Variants in CLIP2 observed in about 807,000 individuals in gnomAD.
CLIP2 encodes CAP-Gly domain-containing linker protein 2.
CLIP2 carries 41 observed loss-of-function variants against 111.7 expected under a neutral mutation model. The ratio of observed to expected loss-of-function variants is 0.37; its 90% CI spans 0.29 to 0.48. CLIP2 has a LOEUF of 0.48. Among genes scored for constraint, CLIP2 ranks in the 20% least tolerant of loss-of-function variants. The probability of loss-of-function intolerance (pLI) is 0.99; values close to 1 mark genes in which losing one functional copy is unlikely to be tolerated. For missense variants in CLIP2, 1,160 were observed against 1,422.1 expected, an observed-to-expected ratio of 0.82 and a Z score of 2.96; for synonymous variants, 660 against 644.2, an observed-to-expected ratio of 1.02 and a Z score of -0.37.
intron 11 of CLIP2, among the ~76,000 whole-genome samples, chr7:74,386,044 T>C (rs1791085877): frequency 1.1e-5 from 1 of 89,178 alleles, no homozygotes. Flanking sequence ...GCCCAGCCTC[T>C]TTTTTTTTTT....
At chr7:74,337,895 C>T (rs1489491196) in intron 2 of CLIP2, among the ~76,000 whole-genome samples, 1 of 152,144 alleles carries the variant, frequency 6.6e-6, no homozygotes, top group African/African-American at 2.4e-5. Context: ...CGTGCCCGGC[C>T]TGGAAACATT....
chr7:74,341,068 T>A (rs485858), intron 3 of CLIP2, among the ~76,000 whole-genome samples: 93,102 of 151,872 alleles, frequency 0.61, 30,484 homozygotes, highest in Middle Eastern at 0.74. Context: ...GAGCGAGAGG[T>A]AATGTTTACA....
rs1334628725 is a variant in CLIP2 at position 74,376,441 on chromosome 7, G to T, written c.2040G>T (p.Lys680Asn). Residue 680 changes from lysine to asparagine, a missense_variant, in exon 10 of 17, where the codon AAG becomes AAT. Physicochemically the swap from Lys to Asn is moderately conservative, Grantham distance 94 (BLOSUM62 0). Coordinates refer to ENST00000223398, the MANE Select transcript of CLIP2 (RefSeq NM_003388.5). The surrounding 1 kb of genome is among the most constrained non-coding windows in gnomAD (Gnocchi z 7.1). ...KHDLETAMHV[K>N]EKEALREKLQ... ...ACCTGGAGACCGCCATGCACGTGAAGGAGAAGGAGGCCCTGCGAGAGAAGC... is the reference window on the plus strand; with the variant it reads ...ACCTGGAGACCGCCATGCACGTGAATGAGAAGGAGGCCCTGCGAGAGAAGC... 6.2e-7 allele frequency: 1 copy of T among 1,614,060 alleles called. No homozygotes were observed. The highest frequency in any genetic ancestry group is 8.5e-7 in the Non-Finnish European group (1 of 1,180,024).
chr7:74,400,830 G>A (rs567457787), intron 15 of CLIP2, among the ~76,000 whole-genome samples: 1 of 151,380 alleles, frequency 6.6e-6, no homozygotes, highest in East Asian at 2.0e-4. Flanking sequence ...CTCTGTCCCG[G>A]GAACCCCTGG....
intron 1 of CLIP2, among the ~76,000 whole-genome samples, chr7:74,298,912 C>G (rs935961056): frequency 1.3e-5 from 2 of 152,154 alleles, no homozygotes; most frequent in Non-Finnish European, 2.9e-5. Flanking sequence ...AGGAACCCGG[C>G]ATGGCACGTG....
At chr7:74,372,880 TCCCTGCGTCCCCGCCCCCACCCCCCCA>T in intron 8 of CLIP2, 25 bp from the exon 9 acceptor site, 2 of 188,892 alleles carry the variant, frequency 1.1e-5, no homozygotes, top group Non-Finnish European at 2.0e-5. Flanking sequence ...TGTGCCCCCC[TCCCTGCGTCCCCGCCCCCACCCCCCCA>T]CCGTGTCCAC....
intron 3 of CLIP2, among the ~76,000 whole-genome samples, chr7:74,349,979 C>T (rs1246534753): frequency 6.6e-6 from 1 of 151,886 alleles, no homozygotes; most frequent in East Asian, 1.9e-4. Context: ...TAGAAATAGA[C>T]TAAGGGTTGT....
At chr7:74,366,706 G>A (rs1451920413) in intron 8 of CLIP2, among the ~76,000 whole-genome samples, 5 of 152,070 alleles carry the variant, frequency 3.3e-5, no homozygotes, top group South Asian at 2.1e-4. Context: ...GTGAAACACC[G>A]TCTCTACTGA....
rs1554309469 is a variant in CLIP2 at position 74,360,261 on chromosome 7, G to C, written c.1302G>C (p.Gln434His). 1 of 1,600,976 alleles carries C rather than the reference G, an allele frequency of 6.2e-7. No individual in the cohort carries two copies. Among genetic ancestry groups the C allele is most frequent in the South Asian group, 1.1e-5 (1 of 88,644 alleles). The part of the protein sequence containing the change: ...VRKEKVDLSN[Q>H]LEEERRKVED... Reference sequence around the variant, plus strand: ...AAGAGAAGGTGGACCTGTCCAACCAGCTGGAGGAGGAGAGGAGGTACGTGC... The same window carrying C: ...AAGAGAAGGTGGACCTGTCCAACCACCTGGAGGAGGAGAGGAGGTACGTGC... Residue 434 changes from glutamine to histidine, a missense_variant, in exon 7 of 17, where the codon CAG becomes CAC. Gln to His is a conservative substitution (Grantham distance 24). Coordinates refer to ENST00000223398, the MANE Select transcript of CLIP2 (RefSeq NM_003388.5).
chr7:74,303,822 G>T (rs1254170162), intron 1 of CLIP2, among the ~76,000 whole-genome samples: 1 of 149,104 alleles, frequency 6.7e-6, no homozygotes, highest in African/African-American at 2.5e-5. Flanking sequence ...TGAGGCACAA[G>T]AATCGCTTGA....
At chr7:74,298,866 TAAA>T (rs1788246391) in intron 1 of CLIP2, among the ~76,000 whole-genome samples, 1 of 151,952 alleles carries the variant, frequency 6.6e-6, no homozygotes, top group African/African-American at 2.4e-5. Context: ...AACGTTTAAG[TAAA>T]AAAGTTGCGC....
At chr7:74,402,319 G>A (rs1431358433) in intron 16 of CLIP2, among the ~76,000 whole-genome samples, 4 of 124,070 alleles carry the variant, frequency 3.2e-5, no homozygotes, top group Non-Finnish European at 4.8e-5. Flanking sequence ...GACAGAGCGA[G>A]ACTCCATCTC....
Position 74,317,576 on chromosome 7 carries a change from C to T in CLIP2, c.30C>T (p.Pro10=), listed in dbSNP as rs148561130. The T allele has an allele frequency of 0.039, 58,545 of 1,488,050 alleles. 1,341 individuals carry two copies. Among genetic ancestry groups the T allele is most frequent in the East Asian group, 0.045 (1,725 of 38,550 alleles). The allele number at this position is 1,488,050 out of a possible 1,614,324, so 92.2% of individuals were successfully genotyped here. Residue 10 remains proline (P), a synonymous_variant, in exon 2 of 17, where the codon CCC becomes CCT. Transcript: ENST00000223398. ...AGAAGCCCAGCGGCCTGAAGCCCCC[C>T]GGCCGTGGGGGGAAGCACTCCAGCC... is the stretch of plus-strand genomic sequence containing the variant. MQKPSGLKP[P]GRGGKHSSPM...
intron 1 of CLIP2, among the ~76,000 whole-genome samples, chr7:74,310,028 T>C (rs1163735920): frequency 1.3e-3 from 99 of 77,490 alleles, no homozygotes; most frequent in African/African-American, 5.6e-3. Flanking sequence ...GGCAAGACCC[T>C]GTCTCTACAA....
At position 74,364,236 on chromosome 7, in the gene CLIP2, C is replaced by G; in HGVS notation, c.1320-19C>G. ...CTCTGGGCAAAGCCAGGTCAGCCAC[C>G]TCTTTCCCTCCCCTGCAGGAAGGTG... On this transcript the variant is annotated intron_variant, in intron 7 of 16. Transcript: ENST00000223398. The G allele has an allele frequency of 6.2e-7, 1 of 1,610,748 alleles. No individual in the cohort carries two copies. Among genetic ancestry groups the G allele is most frequent in the Non-Finnish European group, 8.5e-7 (1 of 1,178,512 alleles).
intron 9 of CLIP2, among the ~76,000 whole-genome samples, chr7:74,373,812 T>C (rs1790705609): frequency 6.6e-6 from 1 of 151,958 alleles, no homozygotes; most frequent in African/African-American, 2.4e-5. Flanking sequence ...CCGGTTTCTC[T>C]GGCCCAGAGA....
chr7:74,331,433 A>T (rs1584332416), intron 2 of CLIP2, among the ~76,000 whole-genome samples: 1 of 151,738 alleles, frequency 6.6e-6, no homozygotes, highest in South Asian at 2.1e-4. Context: ...GAAGGAGGTC[A>T]TGTGGGTTCA....
At chr7:74,379,827 C>G (rs1436536868) in intron 10 of CLIP2, among the ~76,000 whole-genome samples, 1 of 151,828 alleles carries the variant, frequency 6.6e-6, no homozygotes, top group Non-Finnish European at 1.5e-5. Context: ...CCTGTAATCC[C>G]AGCTACTCGC....
chr7:74,335,782 G>A (rs570861875), intron 2 of CLIP2, among the ~76,000 whole-genome samples: 2 of 138,872 alleles, frequency 1.4e-5, no homozygotes, highest in African/African-American at 5.4e-5. Context: ...TCACTCTGTC[G>A]CCCAGGCTAG....
Sources: allele counts gnomAD v4.1 joint callset (sites outside exome capture counted in the v4.1 genomes callset), GRCh38; gene constraint gnomAD v4.1.1; non-coding constraint Gnocchi (gnomAD v3.1); transcripts MANE v1.5; gene names NCBI Gene and HGNC (gene_info 2026-07-23, HGNC 2026-07-21).